Variants in PTPRK observed in about 807,000 individuals in gnomAD.
PTPRK encodes the protein protein tyrosine phosphatase receptor type K, also known as receptor-type tyrosine-protein phosphatase kappa.
Under a neutral mutation model 178.0 loss-of-function variants are expected in PTPRK, and 75 were observed. The ratio of observed to expected loss-of-function variants is 0.42; its 90% CI spans 0.35 to 0.51. The LOEUF (loss-of-function observed/expected upper bound fraction) is 0.51. Among genes scored for constraint, PTPRK ranks in the 20% least tolerant of loss-of-function variants. PTPRK has a pLI of 0.02. For synonymous variants in PTPRK, 637 were observed against 620.6 expected (o/e 1.03, Z -0.39); for missense variants, 1,441 against 1,797.8 (o/e 0.80, Z 3.59).
intron 8 of PTPRK, among the ~76,000 whole-genome samples, chr6:128,086,972 A>C (rs1169106230): frequency 6.6e-6 from 1 of 152,126 alleles, no homozygotes; most frequent in Admixed American, 6.5e-5. Flanking sequence ...AGAATTTAAA[A>C]TATTTCAAAA....
chr6:128,409,420 G>A (rs1476037645), intron 1 of PTPRK: 3 of 399,952 alleles, frequency 7.5e-6, no homozygotes, highest in African/African-American at 4.2e-5. Flanking sequence ...TATCTGGAAG[G>A]GATGGGTTTA....
intron 7 of PTPRK, among the ~76,000 whole-genome samples, chr6:128,175,664 G>C (rs1171301089): frequency 6.6e-6 from 1 of 151,604 alleles, no homozygotes; most frequent in Non-Finnish European, 1.5e-5. Context: ...AAATAATAGT[G>C]CATTGACAAA....
chr6:128,193,280 GAAAAAAA>G (rs778872277), intron 6 of PTPRK, among the ~76,000 whole-genome samples: 4 of 57,754 alleles, frequency 6.9e-5, no homozygotes, highest in Non-Finnish European at 9.7e-5. Flanking sequence ...TCCAGCTTGT[GAAAAAAA>G]AAAAAAAAAA....
At chr6:128,167,609 AT>A in intron 7 of PTPRK, among the ~76,000 whole-genome samples, 1 of 152,170 alleles carries the variant, frequency 6.6e-6, no homozygotes, top group African/African-American at 2.4e-5. Flanking sequence ...AAAATTTCCT[AT>A]AAAAATAATT....
chr6:128,124,694 T>C (rs1426860842), intron 7 of PTPRK, among the ~76,000 whole-genome samples: 2 of 152,152 alleles, frequency 1.3e-5, no homozygotes, highest in Non-Finnish European at 2.9e-5. Flanking sequence ...TGGATGATAT[T>C]AACATTTAAT....
At chr6:128,218,486 A>C (rs758087921) in intron 6 of PTPRK, among the ~76,000 whole-genome samples, 2 of 152,216 alleles carry the variant, frequency 1.3e-5, no homozygotes, top group Non-Finnish European at 2.9e-5. Flanking sequence ...AAAATTCACT[A>C]TTGGGTTTTG....
chr6:128,011,900 G>A (rs533781629), intron 13 of PTPRK, among the ~76,000 whole-genome samples: 12 of 151,088 alleles, frequency 7.9e-5, no homozygotes, highest in African/African-American at 2.9e-4. Flanking sequence ...AGATAATAAA[G>A]TCATAATCTA....
At chr6:128,412,455 T>A (rs564298216) in intron 1 of PTPRK, among the ~76,000 whole-genome samples, 3 of 152,262 alleles carry the variant, frequency 2.0e-5, no homozygotes, top group African/African-American at 7.2e-5. Flanking sequence ...CAAGCCATAG[T>A]TCAAATCCAA....
intron 1 of PTPRK, among the ~76,000 whole-genome samples, chr6:128,490,573 T>C (rs920135683): frequency 6.6e-6 from 1 of 152,216 alleles, no homozygotes; most frequent in African/African-American, 2.4e-5. Context: ...ATTAACAGCA[T>C]TGATTCCACA....
chr6:127,970,938 T>G (rs1211426642), intron 29 of PTPRK, among the ~76,000 whole-genome samples: 2 of 151,958 alleles, frequency 1.3e-5, no homozygotes, highest in Admixed American at 1.3e-4. Context: ...TTTTTCTCCA[T>G]ATATTTCAGA....
At chr6:128,040,358 T>A (rs1279241069) in intron 13 of PTPRK, among the ~76,000 whole-genome samples, 2 of 152,112 alleles carry the variant, frequency 1.3e-5, no homozygotes, top group East Asian at 3.9e-4. Flanking sequence ...AGAGGAAAGA[T>A]GTGCTAGGAC....
chr6:128,446,956 C>G (rs1847111239), intron 1 of PTPRK, among the ~76,000 whole-genome samples: 1 of 152,064 alleles, frequency 6.6e-6, no homozygotes. Context: ...TGCATAGTTA[C>G]TTAAATTTTT....
At chr6:128,424,013 G>A (rs988935395) in intron 1 of PTPRK, among the ~76,000 whole-genome samples, 1 of 149,858 alleles carries the variant, frequency 6.7e-6, no homozygotes, top group South Asian at 2.1e-4. Context: ...TTGAGGCCAG[G>A]AGTCAAGATC....
chr6:128,181,513 T>C (rs1222948603), intron 7 of PTPRK, among the ~76,000 whole-genome samples: 2 of 152,122 alleles, frequency 1.3e-5, no homozygotes, highest in Non-Finnish European at 2.9e-5. Flanking sequence ...ATTCAGTTCC[T>C]CTTATAGAAC....
At chr6:128,296,821 G>A (rs1373700937) in intron 3 of PTPRK, among the ~76,000 whole-genome samples, 5 of 152,078 alleles carry the variant, frequency 3.3e-5, no homozygotes, top group Non-Finnish European at 5.9e-5. Context: ...ATCAACTAAC[G>A]AGCAAAATAA....
intron 2 of PTPRK, among the ~76,000 whole-genome samples, chr6:128,389,652 A>G (rs1361951805): frequency 6.6e-6 from 1 of 151,916 alleles, no homozygotes; most frequent in East Asian, 1.9e-4. Flanking sequence ...AGGTGACTAT[A>G]TAGTCTTTGA....
intron 6 of PTPRK, among the ~76,000 whole-genome samples, chr6:128,217,798 T>G (rs963690993): frequency 6.6e-6 from 1 of 152,044 alleles, no homozygotes; most frequent in Admixed American, 6.6e-5. Context: ...AGATCCTTAC[T>G]CAAAGAAAAC....
At chr6:128,488,821 T>C (rs1021581261) in intron 1 of PTPRK, among the ~76,000 whole-genome samples, 6 of 152,136 alleles carry the variant, frequency 3.9e-5, no homozygotes, top group Non-Finnish European at 8.8e-5. Flanking sequence ...CTAAAGGGAA[T>C]TCTTAAAAGT....
intron 13 of PTPRK, among the ~76,000 whole-genome samples, chr6:128,053,148 GAACACACA>G (rs1779314950): frequency 4.8e-5 from 2 of 41,274 alleles, no homozygotes; most frequent in African/African-American, 2.6e-4. Context: ...TATGTGTATG[GAACACACA>G]CACACACACA....
Sources: gnomAD v4.1 joint callset for allele counts (sites outside exome capture counted in the v4.1 genomes callset) on GRCh38, gnomAD v4.1.1 for gene constraint, MANE v1.5 for transcripts, NCBI Gene and HGNC (gene_info 2026-07-23, HGNC 2026-07-21) for gene names.